Variants in RBFOX1 observed in about 807,000 individuals in gnomAD.
RBFOX1 encodes the protein RNA binding fox-1 homolog 1.
Under a neutral mutation model 57.7 loss-of-function variants are expected in RBFOX1, and 8 were observed. The observed-to-expected ratio is 0.14, with a 90% confidence interval of 0.08 to 0.25. The LOEUF (loss-of-function observed/expected upper bound fraction) is 0.25, where lower values mean the gene tolerates loss of function less well. Among genes scored for constraint, RBFOX1 ranks in the 10% least tolerant of loss-of-function variants. The pLI is 1.00. For synonymous variants in RBFOX1, 326 were observed against 222.4 expected (o/e 1.47, Z -4.15); for missense variants, 611 against 548.5 (o/e 1.11, Z -1.14).
chr16:5,947,272 G>C lies in RBFOX1; in HGVS notation c.351+79937G>C, dbSNP rs551994436. 2.6e-4 allele frequency among the ~76,000 whole-genome samples: 39 copies of C among 152,260 alleles called. No individual in the cohort carries two copies. The South Asian group carries it at 3.7e-3, about 15-fold the overall frequency. On this transcript the variant is annotated intron_variant, in intron 4 of 19. Coordinates refer to the RBFOX1 transcript ENST00000641259. The surrounding 1 kb of genome is among the most constrained non-coding windows in gnomAD (Gnocchi z 7.2). ...AAGGCTGGAGAGCACAGTGGGTAAG[G>C]AGGAGGTGGCCAAGCTGAGGTCAGA...
chr16:7,422,766 C>G (rs1221025946), intron 4 of RBFOX1: 1 of 152,184 alleles, frequency 6.6e-6, no homozygotes, highest in Non-Finnish European at 1.5e-5. Flanking sequence ...TTCTCTGCAG[C>G]TTGAGCAAAG....
intron 4 of RBFOX1, among the ~76,000 whole-genome samples, chr16:7,341,349 T>A (rs143646274): frequency 6.6e-6 from 1 of 152,310 alleles, no homozygotes; most frequent in African/African-American, 2.4e-5. Flanking sequence ...AAAGGCTCCA[T>A]GAAACTCATT....
At chr16:6,695,803 G>A (rs749047457) in intron 3 of RBFOX1, among the ~76,000 whole-genome samples, 1 of 152,114 alleles carries the variant, frequency 6.6e-6, no homozygotes, top group Non-Finnish European at 1.5e-5. Flanking sequence ...TATCTTCATT[G>A]TCATGTCCTG....
intron 11 of RBFOX1, among the ~76,000 whole-genome samples, chr16:7,644,528 G>T (rs1053379593): frequency 3.9e-5 from 6 of 152,140 alleles, no homozygotes; most frequent in African/African-American, 1.4e-4. Flanking sequence ...TCCCTCACAG[G>T]CCGCTCCTTA....
rs73529844 is a variant in RBFOX1, at chr16:6,658,211, C to A, written c.-16+3561C>A. Among the ~76,000 whole-genome samples, 200 of 151,978 alleles carry A rather than the reference C, an allele frequency of 1.3e-3. 1 individual carries two copies. The highest frequency in any genetic ancestry group is 4.7e-3 in the African/African-American group (195 of 41,466). On this transcript the variant is annotated intron_variant, in intron 3 of 15. Coordinates refer to ENST00000550418, the MANE Select transcript of RBFOX1 (RefSeq NM_018723.4). Reference sequence around the variant, plus strand: ...ACCACATATCATGATAGAAGATAAACTGTGAATTTCAACAGTGGAAGAGAG... The same window carrying A: ...ACCACATATCATGATAGAAGATAAAATGTGAATTTCAACAGTGGAAGAGAG...
At chr16:7,013,128 G>A (rs1028634882) in intron 3 of RBFOX1, among the ~76,000 whole-genome samples, 1 of 152,176 alleles carries the variant, frequency 6.6e-6, no homozygotes, top group Admixed American at 6.5e-5. Context: ...TCTTTAGACT[G>A]AGGGTTAGGG....
chr16:7,567,229 C>CTATATAAATATCCATATATATATACCTA (rs1567864204), intron 5 of RBFOX1, among the ~76,000 whole-genome samples: 2 of 118,378 alleles, frequency 1.7e-5, no homozygotes, highest in Non-Finnish European at 1.8e-5. Context: ...ATATATATCC[C>CTATATAAATATCCATATATATATACCTA]TATATATATA....
chr16:5,657,391 T>C (rs2049464124), intron 3 of RBFOX1, among the ~76,000 whole-genome samples: 1 of 152,176 alleles, frequency 6.6e-6, no homozygotes, highest in South Asian at 2.1e-4. Context: ...GCTGTTGCTG[T>C]TTACAGAGGA....
chr16:5,841,349 C>A (rs866467714), intron 3 of RBFOX1, among the ~76,000 whole-genome samples: 2 of 152,174 alleles, frequency 1.3e-5, no homozygotes, highest in Non-Finnish European at 2.9e-5. Context: ...AGCTGCACTG[C>A]CACTCATGTA....
At chr16:5,635,043 T>TA (rs2048637169) in intron 3 of RBFOX1, among the ~76,000 whole-genome samples, 2 of 152,166 alleles carry the variant, frequency 1.3e-5, no homozygotes, top group Admixed American at 6.6e-5. Flanking sequence ...AGTCTATTAC[T>TA]AAAATAAAAG....
intron 1 of RBFOX1, among the ~76,000 whole-genome samples, chr16:6,291,821 T>G (rs908904544): frequency 3.3e-5 from 5 of 152,216 alleles, no homozygotes; most frequent in African/African-American, 1.2e-4. Flanking sequence ...GTATTAGACC[T>G]GTCTCCCAGG....
chr16:6,265,505 A>G (rs1372475135), intron 1 of RBFOX1, among the ~76,000 whole-genome samples: 1 of 151,874 alleles, frequency 6.6e-6, no homozygotes, highest in Admixed American at 6.6e-5. Flanking sequence ...CAAGTGATCC[A>G]CCCACCTCGG....
intron 4 of RBFOX1, among the ~76,000 whole-genome samples, chr16:7,065,588 A>C (rs2055786576): frequency 6.6e-6 from 1 of 152,202 alleles, no homozygotes; most frequent in African/African-American, 2.4e-5. Context: ...GTATGTGTAC[A>C]TTGTGAAATG....
rs566018088 is a variant in RBFOX1, at chr16:5,359,558, G to A, written c.220-107658G>A. Reference sequence around the variant, plus strand: ...GTAGTCTGGATTTGCATTCTCTGATGGTTAGGGATGTTGAGCATCTTTTCA... The same window carrying A: ...GTAGTCTGGATTTGCATTCTCTGATAGTTAGGGATGTTGAGCATCTTTTCA... On this transcript the variant is annotated intron_variant, in intron 1 of 2. Transcript: ENST00000585867. 2.0e-5 allele frequency among the ~76,000 whole-genome samples: 3 copies of A among 152,264 alleles called. No individual in the cohort carries two copies. The South Asian group carries it at 6.2e-4, about 32-fold the overall frequency.
intron 1 of RBFOX1, among the ~76,000 whole-genome samples, chr16:6,202,587 TG>T (rs889162424): frequency 6.6e-6 from 1 of 151,740 alleles, no homozygotes; most frequent in Non-Finnish European, 1.5e-5. Context: ...TCTTTTATGC[TG>T]AAAAAAAAAT....
intron 3 of RBFOX1, among the ~76,000 whole-genome samples, chr16:7,025,214 C>G (rs1382049361): frequency 6.6e-6 from 1 of 152,152 alleles, no homozygotes; most frequent in Admixed American, 6.5e-5. Context: ...GGGTGAATTA[C>G]TCATGTCTCC....
intron 3 of RBFOX1, among the ~76,000 whole-genome samples, chr16:5,831,768 A>G (rs1271930552): frequency 6.6e-6 from 1 of 152,084 alleles, no homozygotes; most frequent in Non-Finnish European, 1.5e-5. Flanking sequence ...ACCCCGTGTC[A>G]AGTATTCCTT....
chr16:6,693,265 C>A lies in RBFOX1; in HGVS notation c.-16+38615C>A, dbSNP rs539463903. Among the ~76,000 whole-genome samples, 316 of 151,374 alleles carry A rather than the reference C, an allele frequency of 2.1e-3. 1 individual carries two copies. The highest frequency in any genetic ancestry group is 7.2e-3 in the African/African-American group (298 of 41,254). Reference sequence around the variant, plus strand: ...CACCACCATCATCATCATCCTCATCCACTAACATCACCACCGTCATTAGCA... The same window carrying A: ...CACCACCATCATCATCATCCTCATCAACTAACATCACCACCGTCATTAGCA... On this transcript the variant is annotated intron_variant, in intron 3 of 15. Transcript: ENST00000550418.
At chr16:6,892,257 A>C (rs967365306) in intron 3 of RBFOX1, among the ~76,000 whole-genome samples, 1 of 152,114 alleles carries the variant, frequency 6.6e-6, no homozygotes, top group African/African-American at 2.4e-5. Flanking sequence ...TGACAGTAAC[A>C]CTTTGTAACG....
Sources: allele counts gnomAD v4.1 joint callset (sites outside exome capture counted in the v4.1 genomes callset), GRCh38; gene constraint gnomAD v4.1.1; non-coding constraint Gnocchi (gnomAD v3.1); transcripts MANE v1.5; gene names NCBI Gene and HGNC (gene_info 2026-07-23, HGNC 2026-07-21).